The following RTL9 variants were observed in gnomAD, a reference collection of about 807,000 sequenced individuals.
RTL9 encodes retrotransposon Gag like 9, also known as retrotransposon Gag-like protein 9.
Under a neutral mutation model 44.7 loss-of-function variants are expected in RTL9, and 19 were observed. That is an observed-to-expected ratio of 0.42 (90% CI 0.30 to 0.62). The LOEUF (loss-of-function observed/expected upper bound fraction) is 0.62, where lower values mean the gene tolerates loss of function less well. RTL9 is among the 20% of genes least tolerant of loss of function. The pLI is 0.16. For synonymous variants in RTL9, 407 were observed against 398.9 expected, an observed-to-expected ratio of 1.02 and a Z score of -0.24; for missense variants, 1,105 against 1,080.6, an observed-to-expected ratio of 1.02 and a Z score of -0.32.
At chrX:110,409,851 G>A (rs2068629475) in intron 1 of RTL9, among the ~76,000 whole-genome samples, 1 of 111,171 alleles carries the variant, frequency 9.0e-6, no homozygotes, top group Non-Finnish European at 1.9e-5. Context: ...TACAGAGGGA[G>A]GTATTGAACC....
chrX:110,389,479 G>A (rs918959482), intron 1 of RTL9, among the ~76,000 whole-genome samples: 3 of 111,948 alleles, frequency 2.7e-5, no homozygotes, highest in Non-Finnish European at 5.6e-5. Flanking sequence ...GAAAAAGATG[G>A]GTATGATTGA....
chrX:110,406,678 C>G (rs2068604494), intron 1 of RTL9, among the ~76,000 whole-genome samples: 1 of 111,965 alleles, frequency 8.9e-6, no homozygotes, highest in African/African-American at 3.3e-5. Flanking sequence ...TGAAGAATCT[C>G]CAGTGTCTTC....
At chrX:110,397,463 G>A (rs1474409954) in intron 1 of RTL9, among the ~76,000 whole-genome samples, 1 of 109,750 alleles carries the variant, frequency 9.1e-6, no homozygotes, top group Admixed American at 9.8e-5. Flanking sequence ...GCCAAGCAGA[G>A]GACAATGAAG....
intron 1 of RTL9, among the ~76,000 whole-genome samples, chrX:110,433,174 T>G (rs1301121176): frequency 1.8e-5 from 2 of 112,310 alleles, no homozygotes; most frequent in African/African-American, 3.2e-5. Context: ...ACCAGGACCC[T>G]CAAGCCGAGC....
At chrX:110,380,297 A>C (rs5985276) in intron 1 of RTL9, among the ~76,000 whole-genome samples, 18,424 of 111,174 alleles carry the variant, frequency 0.17, 2,818 homozygotes, top group African/African-American at 0.49. Flanking sequence ...TGTAGTAGGA[A>C]AACAATATAA....
chrX:110,404,977 T>G (rs188392571), intron 1 of RTL9, among the ~76,000 whole-genome samples: 10 of 110,989 alleles, frequency 9.0e-5, no homozygotes, highest in African/African-American at 2.9e-4. Context: ...TTTCTCCTAA[T>G]AGCCTAAAGT....
At chrX:110,364,396 T>G (rs2068283631) in intron 1 of RTL9, among the ~76,000 whole-genome samples, 1 of 111,481 alleles carries the variant, frequency 9.0e-6, no homozygotes, top group Admixed American at 9.6e-5. Context: ...TTCAACCCAC[T>G]ATGTATAGCC....
At chrX:110,453,520 C>T in exon 1 of RTL9, 1 of 1,211,887 alleles carries the variant, frequency 8.3e-7, no homozygotes, top group African/African-American at 1.7e-5. Flanking sequence ...CCTTTAATGT[C>T]AGCCATGGCT....
chrX:110,444,505 G>A (rs1224320330), intron 1 of RTL9, among the ~76,000 whole-genome samples: 3 of 112,608 alleles, frequency 2.7e-5, no homozygotes, highest in South Asian at 3.7e-4. Flanking sequence ...TAAATGTTTC[G>A]CAGAGAAGAG....
At chrX:110,405,059 G>A (rs1255009947) in intron 1 of RTL9, among the ~76,000 whole-genome samples, 4 of 101,727 alleles carry the variant, frequency 3.9e-5, no homozygotes, top group African/African-American at 7.6e-5. Flanking sequence ...AGTTAAATTC[G>A]AAAAATATAT....
At chrX:110,404,470 C>A (rs1245418541) in intron 1 of RTL9, among the ~76,000 whole-genome samples, 2 of 111,897 alleles carry the variant, frequency 1.8e-5, no homozygotes, top group African/African-American at 6.5e-5. Context: ...ACTCCAGGGG[C>A]ATGAACAACT....
intron 1 of RTL9, among the ~76,000 whole-genome samples, chrX:110,366,230 G>T (rs1489405451): frequency 2.7e-5 from 3 of 111,915 alleles, no homozygotes; most frequent in African/African-American, 9.7e-5. Context: ...TCTGAGGATT[G>T]ATGTTGATAG....
At chrX:110,448,700 G>A (rs976414009), upstream of RTL9, among the ~76,000 whole-genome samples, 12 of 107,206 alleles carry the variant, frequency 1.1e-4, no homozygotes, top group African/African-American at 3.8e-4. Flanking sequence ...TGGCTGGCGG[G>A]CAGGGGGGCG....
At chrX:110,413,484 C>T (rs910390513) in intron 1 of RTL9, among the ~76,000 whole-genome samples, 7 of 110,082 alleles carry the variant, frequency 6.4e-5, no homozygotes, top group Non-Finnish European at 1.3e-4. Context: ...TCCTCGTTGA[C>T]GCTTCTTTAT....
At chrX:110,432,060 C>A (rs1285807737) in intron 1 of RTL9, among the ~76,000 whole-genome samples, 1 of 111,847 alleles carries the variant, frequency 8.9e-6, no homozygotes, top group Non-Finnish European at 1.9e-5. Context: ...TTCAACATTT[C>A]TTGAGCTTTA....
intron 1 of RTL9, among the ~76,000 whole-genome samples, chrX:110,366,062 G>A (rs1040901063): frequency 1.8e-5 from 2 of 111,513 alleles, no homozygotes; most frequent in Non-Finnish European, 3.8e-5. Flanking sequence ...GAGATGGCCC[G>A]GGGAGGACAT....
intron 1 of RTL9, among the ~76,000 whole-genome samples, chrX:110,422,112 G>A (rs774563835): frequency 8.8e-6 from 1 of 113,000 alleles, no homozygotes; most frequent in African/African-American, 3.2e-5. Context: ...ACCCAGACTT[G>A]GCATAGTGCC....
upstream of RTL9, among the ~76,000 whole-genome samples, chrX:110,448,272 G>A (rs2068919446): frequency 9.0e-6 from 1 of 110,958 alleles, no homozygotes; most frequent in Admixed American, 9.5e-5. Context: ...CGTTTCTGAT[G>A]CTGCTCCACT....
At chrX:110,421,686 G>A (rs1347257485) in intron 1 of RTL9, among the ~76,000 whole-genome samples, 2 of 112,687 alleles carry the variant, frequency 1.8e-5, no homozygotes, top group Non-Finnish European at 3.7e-5. Flanking sequence ...TCAACTCATC[G>A]ATCCTCTTCT....
Sources: allele counts gnomAD v4.1 joint callset (sites outside exome capture counted in the v4.1 genomes callset), GRCh38; gene constraint gnomAD v4.1.1; transcripts MANE v1.5; gene names NCBI Gene and HGNC (gene_info 2026-07-23, HGNC 2026-07-21).